Variants in ZBTB7C observed in about 807,000 individuals in gnomAD.
The protein encoded by ZBTB7C is zinc finger and BTB domain-containing protein 7C.
ZBTB7C carries 8 observed loss-of-function variants against 25.7 expected under a neutral mutation model. The ratio of observed to expected loss-of-function variants is 0.31; its 90% confidence interval spans 0.18 to 0.56. The LOEUF (loss-of-function observed/expected upper bound fraction) is 0.56. Among genes scored for constraint, ZBTB7C ranks in the 20% least tolerant of loss-of-function variants. The pLI is 0.91. For synonymous variants in ZBTB7C, 394 were observed against 369.0 expected (o/e 1.07, Z -0.78); for missense variants, 824 against 855.2 (o/e 0.96, Z 0.46).
At chr18:48,107,511 C>G (rs62087381) in intron 3 of ZBTB7C, among the ~76,000 whole-genome samples, 42,316 of 151,746 alleles carry the variant, frequency 0.28, 6,119 homozygotes, top group African/African-American at 0.35. Context: ...AAAGAAGATT[C>G]CTGGAGGTCA....
At chr18:48,351,487 A>C (rs2046861009) in intron 1 of ZBTB7C, among the ~76,000 whole-genome samples, 1 of 152,170 alleles carries the variant, frequency 6.6e-6, no homozygotes, top group Admixed American at 6.5e-5. Flanking sequence ...CAGTGGGGAA[A>C]GTATACCACC....
intron 3 of ZBTB7C, among the ~76,000 whole-genome samples, chr18:48,123,605 A>C (rs2039701447): frequency 6.6e-6 from 1 of 152,162 alleles, no homozygotes; most frequent in East Asian, 1.9e-4. Flanking sequence ...TCCCCTGAAC[A>C]CTCCTAACAA....
chr18:48,290,511 G>A (rs1422113123), intron 2 of ZBTB7C, among the ~76,000 whole-genome samples: 1 of 152,236 alleles, frequency 6.6e-6, no homozygotes, highest in Non-Finnish European at 1.5e-5. Flanking sequence ...TTGCTGCAGG[G>A]TAGACCCTAA....
intron 1 of ZBTB7C, among the ~76,000 whole-genome samples, chr18:48,383,983 A>G (rs922512969): frequency 6.6e-6 from 1 of 152,254 alleles, no homozygotes; most frequent in African/African-American, 2.4e-5. Context: ...TAGTGGGGAC[A>G]GATACTCTGT....
intron 3 of ZBTB7C, among the ~76,000 whole-genome samples, chr18:48,119,102 T>C (rs1446857286): frequency 2.0e-5 from 3 of 152,236 alleles, no homozygotes; most frequent in Non-Finnish European, 4.4e-5. Flanking sequence ...TCAGGGTTTC[T>C]GATTCAGTAG....
intron 2 of ZBTB7C, among the ~76,000 whole-genome samples, chr18:48,305,429 C>G (rs1037322987): frequency 5.3e-5 from 8 of 152,150 alleles, no homozygotes; most frequent in African/African-American, 1.9e-4. Flanking sequence ...AAAGTTCTAT[C>G]CTGGGAAATA....
At chr18:48,114,333 G>GT (rs2039349023) in intron 3 of ZBTB7C, among the ~76,000 whole-genome samples, 1 of 152,206 alleles carries the variant, frequency 6.6e-6, no homozygotes, top group Non-Finnish European at 1.5e-5. Flanking sequence ...CAGGCACAGT[G>GT]GCTCACGCCT....
intron 3 of ZBTB7C, among the ~76,000 whole-genome samples, chr18:48,170,355 T>A (rs1453548549): frequency 6.6e-6 from 1 of 152,190 alleles, no homozygotes; most frequent in African/African-American, 2.4e-5. Context: ...GACTCATCCA[T>A]CAAAGCTCTT....
intron 3 of ZBTB7C, among the ~76,000 whole-genome samples, chr18:48,057,860 T>C (rs566623491): frequency 7.2e-5 from 11 of 152,328 alleles, no homozygotes; most frequent in Non-Finnish European, 1.3e-4. Flanking sequence ...AAACAGGCTC[T>C]GGCTGCCATC....
chr18:48,110,865 A>G (rs955693433), intron 3 of ZBTB7C, among the ~76,000 whole-genome samples: 8 of 152,194 alleles, frequency 5.3e-5, no homozygotes, highest in African/African-American at 9.6e-5. Flanking sequence ...GGGAGGGCAT[A>G]GTCTAGCTAT....
At chr18:48,210,047 TG>T (rs1476045897) in intron 2 of ZBTB7C, among the ~76,000 whole-genome samples, 4 of 152,172 alleles carry the variant, frequency 2.6e-5, no homozygotes, top group African/African-American at 9.7e-5. Flanking sequence ...GATATGCAAA[TG>T]GCCGGTAAGT....
At chr18:48,200,645 T>A (rs2145199939) in intron 2 of ZBTB7C, among the ~76,000 whole-genome samples, 1 of 152,130 alleles carries the variant, frequency 6.6e-6, no homozygotes, top group Admixed American at 6.5e-5. Flanking sequence ...AGGAAATGGG[T>A]CCTTGTATTG....
At chr18:48,037,923 C>A (rs566710130) in intron 4 of ZBTB7C, among the ~76,000 whole-genome samples, 2 of 152,308 alleles carry the variant, frequency 1.3e-5, no homozygotes, top group East Asian at 3.9e-4. Flanking sequence ...AAGCCAGGCC[C>A]CCCGTGAAGA....
chr18:48,289,593 A>G (rs1056827133), intron 2 of ZBTB7C, among the ~76,000 whole-genome samples: 9 of 122,486 alleles, frequency 7.3e-5, no homozygotes, highest in African/African-American at 2.9e-4. Flanking sequence ...GTATTGAATG[A>G]ATATATATGT....
chr18:48,190,163 G>A (rs896179402), intron 2 of ZBTB7C, among the ~76,000 whole-genome samples: 1 of 152,180 alleles, frequency 6.6e-6, no homozygotes, highest in Non-Finnish European at 1.5e-5. Context: ...GTCTGTCTGT[G>A]AATGTGTGGC....
intron 1 of ZBTB7C, among the ~76,000 whole-genome samples, chr18:48,377,075 G>A (rs981966151): frequency 6.6e-6 from 1 of 152,182 alleles, no homozygotes; most frequent in East Asian, 1.9e-4. Flanking sequence ...AAGCCCTCAG[G>A]GACTCAGCCT....
At chr18:48,035,258 G>A (rs374737181) in intron 4 of ZBTB7C, among the ~76,000 whole-genome samples, 3 of 152,200 alleles carry the variant, frequency 2.0e-5, no homozygotes, top group Admixed American at 6.5e-5. Context: ...GAGTGACTGC[G>A]GTGCAGAGGT....
intron 1 of ZBTB7C, among the ~76,000 whole-genome samples, chr18:48,399,409 T>C (rs2048107644): frequency 6.6e-6 from 1 of 152,260 alleles, no homozygotes; most frequent in African/African-American, 2.4e-5. Context: ...ATAAAAAATC[T>C]GCTTTAGGAA....
intron 1 of ZBTB7C, among the ~76,000 whole-genome samples, chr18:48,349,694 C>T (rs766304211): frequency 3.3e-5 from 5 of 152,148 alleles, no homozygotes; most frequent in African/African-American, 7.2e-5. Flanking sequence ...ACTAGTTGGC[C>T]AGCCACACGC....
Sources: allele counts gnomAD v4.1 joint callset (sites outside exome capture counted in the v4.1 genomes callset), GRCh38; gene constraint gnomAD v4.1.1; transcripts MANE v1.5; gene names NCBI Gene and HGNC (gene_info 2026-07-23, HGNC 2026-07-21).